EPHA2: variants seen among roughly 807,000 people sequenced by gnomAD.
EPHA2 encodes the protein ephrin type-A receptor 2.
A neutral mutation model predicts 104.9 loss-of-function variants in EPHA2; 54 were observed. The observed-to-expected ratio is 0.51, with a 90% CI of 0.41 to 0.65. EPHA2 has a LOEUF of 0.65. Among genes scored for constraint, EPHA2 ranks in the 30% least tolerant of loss-of-function variants. The probability of loss-of-function intolerance (pLI) is 0.00; values close to 1 mark genes in which losing one functional copy is unlikely to be tolerated. For synonymous variants in EPHA2, 560 were observed against 559.1 expected (o/e 1.00, Z -0.02); for missense variants, 1,117 against 1,369.5 (o/e 0.82, Z 2.91).
intron 13 of EPHA2, 55 bp downstream of exon 13, chr1:16,132,009 G>A (rs1288083569): frequency 1.2e-6 from 2 of 1,612,672 alleles, no homozygotes; most frequent in African/African-American, 2.7e-5. Context: ...CAGGTGAGAG[G>A]ACACCATGCA....
intron 1 of EPHA2, among the ~76,000 whole-genome samples, chr1:16,153,507 C>T (rs1287211447): frequency 6.6e-6 from 1 of 152,208 alleles, no homozygotes; most frequent in East Asian, 1.9e-4. Context: ...CCGCCCAGGC[C>T]CCTGCCCAGC....
chr1:16,129,679 T>C (rs2124193753), intron 15 of EPHA2, 90 bp from the exon 16 acceptor site: 2 of 1,479,838 alleles, frequency 1.4e-6, no homozygotes, highest in South Asian at 1.3e-5. Context: ...GATGATTGAC[T>C]CGGCTGCCCC....
Position 16,145,409 on chromosome 1 carries a change from T to C in EPHA2, c.823+2969A>G, listed in dbSNP as rs916434275. ...CTCCCTTCCTCTGCCCACTTAACTCTTTCCTGAGCTCTGGGCTTCCTGGGG... is the reference window on the plus strand; with the variant it reads ...CTCCCTTCCTCTGCCCACTTAACTCCTTCCTGAGCTCTGGGCTTCCTGGGG... On this transcript the variant is annotated intron_variant, in intron 3 of 16. Coordinates refer to ENST00000358432, the MANE Select transcript of EPHA2 (RefSeq NM_004431.5). Among the ~76,000 whole-genome samples the C allele has an allele frequency of 2.0e-5, 3 of 152,178 alleles. No homozygotes were observed. The South Asian group carries it at 6.2e-4, about 32-fold the overall frequency.
chr1:16,155,803 C>A, intron 1 of EPHA2, 45 bp downstream of exon 1: 1 of 1,336,240 alleles, frequency 7.5e-7, no homozygotes, highest in Non-Finnish European at 9.6e-7. Context: ...CTCTAGGGGG[C>A]ACTGGGGCCC....
chr1:16,136,619 C>CA (rs199911531), intron 5 of EPHA2, among the ~76,000 whole-genome samples: 5 of 110,562 alleles, frequency 4.5e-5, no homozygotes, highest in Admixed American at 9.4e-5. Flanking sequence ...AACTCCGTCT[C>CA]AAAAAAAAAG....
At chr1:16,144,046 G>A (rs927146866) in intron 3 of EPHA2, among the ~76,000 whole-genome samples, 7 of 152,050 alleles carry the variant, frequency 4.6e-5, no homozygotes, top group African/African-American at 1.4e-4. Flanking sequence ...CTCAGCCCCC[G>A]CCTACCGCTC....
In EPHA2 at chr1:16,135,664, G is replaced by T. The variant is rs2024670595; in HGVS notation, c.1419C>A (p.Tyr473Ter). ...QSRVWKYEVT[Y>*]RKKGDSNSYN... ...CCCCTCTGGGAGTTACCTTCTTGCG[G>T]TAAGTGACCTCGTACTTCCACACTC... is the stretch of plus-strand genomic sequence containing the variant. The change falls in exon 6 of 17, where the codon TAC (tyrosine) becomes TAA (stop). Residue 473 changes from tyrosine to a stop codon, truncating the protein, a stop_gained. Coordinates refer to ENST00000358432, the MANE Select transcript of EPHA2 (RefSeq NM_004431.5). LOFTEE classifies it high-confidence loss of function. This position sits in a 1 kb window ranked among gnomAD's most constrained non-coding sequence, Gnocchi z 4.3. 8 of 1,613,990 alleles carry T rather than the reference G, an allele frequency of 5.0e-6. No individual in the cohort carries two copies. Among genetic ancestry groups the T allele is most frequent in the Non-Finnish European group, 6.8e-6 (8 of 1,179,974 alleles).
chr1:16,134,362 T>C lies in EPHA2; in HGVS notation c.1682+106A>G. On this transcript the variant is annotated intron_variant, in intron 8 of 16. Transcript: ENST00000358432. This position sits in a 1 kb window ranked among gnomAD's most constrained non-coding sequence, Gnocchi z 4.5. ...CACCATCCGGAGGCAGGGATTAGACTCGACTAGCATCCTGTGGGCCCCATC... is the reference window on the plus strand; with the variant it reads ...CACCATCCGGAGGCAGGGATTAGACCCGACTAGCATCCTGTGGGCCCCATC... 1 of 1,221,664 alleles carries C rather than the reference T, an allele frequency of 8.2e-7. No individual in the cohort carries two copies. The highest frequency in any genetic ancestry group is 1.3e-5 in the South Asian group (1 of 78,136). 75.7% of individuals were successfully genotyped at this position (1,221,664 alleles called of 1,614,324 possible). A position where few individuals can be genotyped will look rare whatever the true frequency, so the allele number is the denominator to read the frequency against.
At position 16,149,015 on chromosome 1, in the gene EPHA2, C is replaced by T; in HGVS notation, c.186G>A (p.Met62Ile). ...WDLMQNIMND[M>I]PIYMYSVCNV... ...TGCACACGGAGTACATGTAGATCGG[C>T]ATGTCATTCATGATGTTCTGCATCA... The change falls in exon 3 of 17, where the codon ATG becomes ATA. Residue 62 changes from methionine to isoleucine, a missense_variant. This residue lies in a region of EPHA2 where 664 missense variants were observed against 784.8 expected (regional missense o/e 0.85). Transcript: ENST00000358432. 6 of 1,613,760 alleles carry T rather than the reference C, an allele frequency of 3.7e-6. No homozygotes were observed. Among genetic ancestry groups the T allele is most frequent in the Middle Eastern group, 1.6e-4 (1 of 6,062 alleles).
intron 1 of EPHA2, chr1:16,153,038 C>A: frequency 1.2e-6 from 1 of 839,786 alleles, no homozygotes; most frequent in Non-Finnish European, 1.4e-6. Flanking sequence ...CTGGGAGCCC[C>A]TCGGCTGACC....
At position 16,155,881 on chromosome 1, in the gene EPHA2, G is replaced by A. The variant is rs1470299371; in HGVS notation, c.52C>T (p.Leu18=). The change falls in exon 1 of 17, where the codon CTG becomes TTG. Residue 18 remains leucine (L), a synonymous_variant. Transcript: ENST00000358432. ...CCCTGCGCCGCCGCGGCCGCGGCCAGCGCACAGCCCCACAGCAGGGCGAAG... is the reference window on the plus strand; with the variant it reads ...CCCTGCGCCGCCGCGGCCGCGGCCAACGCACAGCCCCACAGCAGGGCGAAG... ...ACFALLWGCA[L]AAAAAAQGKE... The A allele has an allele frequency of 6.8e-7, 1 of 1,472,752 alleles. No individual in the cohort carries two copies. The highest frequency in any genetic ancestry group is 8.9e-7 in the Non-Finnish European group (1 of 1,118,936). The allele number at this position is 1,472,752 out of a possible 1,614,324, so 91.2% of individuals were successfully genotyped here.
At chr1:16,127,935 A>G (rs2024500088) in intron 16 of EPHA2, among the ~76,000 whole-genome samples, 3 of 152,198 alleles carry the variant, frequency 2.0e-5, no homozygotes, top group South Asian at 4.1e-4. Flanking sequence ...TGTGTTTCCC[A>G]TAAGCACTTC....
intron 16 of EPHA2, 31 bp downstream of exon 16, chr1:16,129,403 G>A: frequency 1.9e-6 from 3 of 1,607,070 alleles, no homozygotes; most frequent in East Asian, 2.2e-5. Flanking sequence ...GAGGCGGGAG[G>A]CGAGGGGGGA....
intron 5 of EPHA2, among the ~76,000 whole-genome samples, chr1:16,136,713 A>AAAGAAG (rs202150956): frequency 0.13 from 13,183 of 102,528 alleles, 1,131 homozygotes; most frequent in East Asian, 0.15. Flanking sequence ...AAGAAGAAGA[A>AAAGAAG]AAGAAGAAGA....
intron 5 of EPHA2, among the ~76,000 whole-genome samples, chr1:16,136,713 A>AGAAGAAG (rs752397568): frequency 1.4e-3 from 143 of 102,726 alleles, no homozygotes; most frequent in African/African-American, 2.9e-3. Flanking sequence ...AAGAAGAAGA[A>AGAAGAAG]AAGAAGAAGA....
In EPHA2 at chr1:16,148,909, G is replaced by A. The variant is rs1365808858; in HGVS notation, c.292C>T (p.Leu98Phe). The change falls in exon 3 of 17, where the codon CTC (leucine) becomes TTC (phenylalanine). Residue 98 changes from leucine to phenylalanine, a missense_variant. Coordinates refer to ENST00000358432, the MANE Select transcript of EPHA2 (RefSeq NM_004431.5). This position sits in a 1 kb window ranked among gnomAD's most constrained non-coding sequence, Gnocchi z 4.9. Reference protein sequence around the residue: ...RGEAERIFIELKFTVRDCNSF... With the variant: ...RGEAERIFIEFKFTVRDCNSF... ...TTGCAGTCACGTACAGTAAACTTGA[G>A]CTCAATGAAGATACGCTCAGCCTCT... The A allele has an allele frequency of 6.2e-7, 1 of 1,614,048 alleles. No individual in the cohort carries two copies. Among genetic ancestry groups the A allele is most frequent in the Non-Finnish European group, 8.5e-7 (1 of 1,180,054 alleles).
In EPHA2 at chr1:16,135,711, T is replaced by C; in HGVS notation, c.1372A>G (p.Ile458Val). The change falls in exon 6 of 17, where the codon ATC becomes GTC. Residue 458 changes from isoleucine to valine, a missense_variant. By Grantham distance (29) the Ile-to-Val change is conservative. Coordinates refer to ENST00000358432, the MANE Select transcript of EPHA2 (RefSeq NM_004431.5). This position sits in a 1 kb window ranked among gnomAD's most constrained non-coding sequence, Gnocchi z 4.3. ...ACTCGGCTCTGCTGCGGCGGGGGGA[T>C]GCTCCAGGAGACGCTAAGCGAGGTG... is the stretch of plus-strand genomic sequence containing the variant. ...STTSLSVSWS[I>V]PPPQQSRVWK... is the part of the protein sequence containing the mutation. 1 of 1,613,598 alleles carries C rather than the reference T, an allele frequency of 6.2e-7. No individual in the cohort carries two copies.
rs977900800 is a variant in EPHA2, at chr1:16,133,747, A to G, written c.1738+113T>C. ...ACGGACCCCTCAGAGCTGCCCACGGAAGCCTGTGGCCCCACCCCAGTGCCC... is the reference window on the plus strand; with the variant it reads ...ACGGACCCCTCAGAGCTGCCCACGGGAGCCTGTGGCCCCACCCCAGTGCCC... On this transcript the variant is annotated intron_variant, in intron 9 of 16. Transcript: ENST00000358432. The G allele has an allele frequency of 4.0e-5, 60 of 1,485,954 alleles. No individual in the cohort carries two copies. In the Admixed American group the frequency reaches 4.4e-4, roughly 11 times the overall value. The allele number at this position is 1,485,954 out of a possible 1,614,324, so 92.0% of individuals were successfully genotyped here.
chr1:16,145,249 G>GCGACTCCACTGTCCC (rs1553136843), intron 3 of EPHA2, among the ~76,000 whole-genome samples: 1 of 152,230 alleles, frequency 6.6e-6, no homozygotes, highest in African/African-American at 2.4e-5. Context: ...GTCAGCCCGA[G>GCGACTCCACTGTCCC]CGACTCCACT....
Sources: gnomAD v4.1 joint callset for allele counts (sites outside exome capture counted in the v4.1 genomes callset) on GRCh38, gnomAD v4.1.1 for gene constraint, gnomAD v4.1.1 regional missense constraint, Gnocchi (gnomAD v3.1) non-coding constraint, MANE v1.5 for transcripts, NCBI Gene and HGNC (gene_info 2026-07-23, HGNC 2026-07-21) for gene names.